Variants in SEMA4C observed in about 807,000 individuals in gnomAD.
The protein encoded by SEMA4C is semaphorin-4C.
In SEMA4C, 19 loss-of-function variants were observed where a neutral mutation model predicts 89.0. That is an observed-to-expected ratio of 0.21 (90% CI 0.15 to 0.31). The LOEUF (loss-of-function observed/expected upper bound fraction) is 0.31. SEMA4C is among the 10% of genes least tolerant of loss of function. The probability of loss-of-function intolerance (pLI) is 1.00; values close to 1 mark genes in which losing one functional copy is unlikely to be tolerated. For missense variants in SEMA4C, 811 were observed against 1,107.0 expected, an observed-to-expected ratio of 0.73 and a Z score of 3.79; for synonymous variants, 428 against 472.7, an observed-to-expected ratio of 0.91 and a Z score of 1.23.
Position 96,865,922 on chromosome 2 carries a change from CAGG to C in SEMA4C, c.263_265del (p.Ser88del). On this transcript the variant is annotated inframe_deletion, in exon 4 of 15. Coordinates refer to ENST00000305476, the MANE Select transcript of SEMA4C (RefSeq NM_017789.5). Reference sequence around the variant, plus strand: ...AGTCTTCTTCTCCACGGGGGCCTCCCAGGAGATCTGGGGAAAGGGAAGGGGATG... The same window carrying C: ...AGTCTTCTTCTCCACGGGGGCCTCCCAGATCTGGGGAAAGGGAAGGGGATG... 6.2e-7 allele frequency: 1 copy of C among 1,614,018 alleles called. No individual in the cohort carries two copies. The highest frequency in any genetic ancestry group is 8.5e-7 in the Non-Finnish European group (1 of 1,179,988).
chr2:96,864,742 G>A lies in SEMA4C; in HGVS notation c.925C>T (p.His309Tyr). Residue 309 changes from histidine (H) to tyrosine (Y), a missense_variant, in exon 9 of 15, where the codon CAC becomes TAC. Physicochemically the swap from His to Tyr is moderately conservative, Grantham distance 83. Transcript: ENST00000305476. This position sits in a 1 kb window ranked among gnomAD's most constrained non-coding sequence, Gnocchi z 6.3. ...AMHTLQDTSWHNTTFFGVFQA... is the reference protein window; with the variant it reads ...AMHTLQDTSWYNTTFFGVFQA... ...AAAACCCCAAAGAAGGTGGTGTTGT[G>A]CCAGGAGGTGTCCTGCAGGGTGTGC... 6.2e-7 allele frequency: 1 copy of A among 1,613,124 alleles called. No homozygotes were observed. The highest frequency in any genetic ancestry group is 8.5e-7 in the Non-Finnish European group (1 of 1,179,336).
upstream of SEMA4C, chr2:96,870,134 G>A: frequency 1.0e-6 from 1 of 974,872 alleles, no homozygotes. Context: ...TGGGGGGGTC[G>A]AGCGGAGGCC....
intron 1 of SEMA4C, chr2:96,869,577 A>T (rs1348003116): frequency 6.3e-5 from 62 of 985,122 alleles, no homozygotes; most frequent in Non-Finnish European, 7.5e-5. Context: ...AGGGCAGTCC[A>T]GGAGCCTGGC....
upstream of SEMA4C, chr2:96,870,636 A>T (rs1290982718): frequency 1.0e-6 from 1 of 985,328 alleles, no homozygotes. Flanking sequence ...ACCAGCCAGG[A>T]AGACCCTTCA....
At position 96,860,986 on chromosome 2, in the gene SEMA4C, C is replaced by G. The variant is rs767231360; in HGVS notation, c.2142G>C (p.Glu714Asp). The change falls in exon 15 of 15, where the codon GAG becomes GAC. Residue 714 changes from glutamate to aspartate, a missense_variant. Physicochemically the swap from Glu to Asp is conservative, Grantham distance 45. Around this residue, in one of 4 missense-constraint regions of SEMA4C, gnomAD observed 248 missense variants for 269.0 expected, o/e 0.92. Coordinates refer to ENST00000305476, the MANE Select transcript of SEMA4C (RefSeq NM_017789.5). ...TLVYPLELPKEPTSPPFRPCP... is the reference protein window; with the variant it reads ...TLVYPLELPKDPTSPPFRPCP... Reference sequence around the variant, plus strand: ...AGGGCCGGAAGGGGGGACTGGTGGGCTCCTTGGGCAGCTCCAGGGGGTACA... The same window carrying G: ...AGGGCCGGAAGGGGGGACTGGTGGGGTCCTTGGGCAGCTCCAGGGGGTACA... The G allele has an allele frequency of 6.2e-7, 1 of 1,612,968 alleles. No homozygotes were observed. The highest frequency in any genetic ancestry group is 1.1e-5 in the South Asian group (1 of 91,086).
At position 96,861,157 on chromosome 2, in the gene SEMA4C, G is replaced by C. The variant is rs763334767; in HGVS notation, c.1971C>G (p.Ala657=). 12 of 1,610,742 alleles carry C rather than the reference G, an allele frequency of 7.4e-6. No individual in the cohort carries two copies. In the African/African-American group the frequency reaches 1.2e-4, roughly 16 times the overall value. ...ACACCAGCCCCAGGTTTTCCAGGGG[G>C]GCCCGGGCCTCCAAGGTCACCGACG... ...AGPSVTLEAR[A]PLENLGLVWL... Residue 657 remains alanine, a synonymous_variant, in exon 15 of 15, where the codon GCC becomes GCG. Coordinates refer to ENST00000305476, the MANE Select transcript of SEMA4C (RefSeq NM_017789.5). The surrounding 1 kb of genome is among the most constrained non-coding windows in gnomAD (Gnocchi z 7.8).
In SEMA4C at chr2:96,862,131, G is replaced by A. The variant is rs777514890; in HGVS notation, c.1444-237C>T. 42 of 525,780 alleles carry A rather than the reference G, an allele frequency of 8.0e-5. 1 individual carries two copies. The highest frequency in any genetic ancestry group is 1.1e-4 in the Non-Finnish European group (33 of 295,162). The allele number at this position is 525,780 out of a possible 1,614,324, so 32.6% of individuals were successfully genotyped here. ...ATGCAATCCTAAGCCCCTTATCGAC[G>A]TGACGTTATTAGAAAGGGATGATGG... On this transcript the variant is annotated intron_variant, in intron 12 of 14. Transcript: ENST00000305476.
At position 96,866,414 on chromosome 2, in the gene SEMA4C, G is replaced by A. The variant is rs763130678; in HGVS notation, c.127C>T (p.Arg43Trp). The change falls in exon 3 of 15, where the codon CGG (arginine) becomes TGG (tryptophan). Residue 43 changes from arginine to tryptophan, a missense_variant. Physicochemically the swap from Arg to Trp is moderately radical, Grantham distance 101 (BLOSUM62 -3). Transcript: ENST00000305476. The part of the protein sequence containing the change: ...VSSGELATVV[R>W]RFSQTGIQDF... ...TGGATGCCGGTCTGGGAGAACCGCC[G>A]TACTACCGTGGCCAGCTCTGCAGGG... 6.1e-5 allele frequency: 99 copies of A among 1,613,850 alleles called. No homozygotes were observed. The highest frequency in any genetic ancestry group is 7.5e-5 in the Non-Finnish European group (89 of 1,180,044).
Position 96,866,400 on chromosome 2 carries a change from C to T in SEMA4C, c.141G>A (p.Gln47=), listed in dbSNP as rs747434651. The T allele has an allele frequency of 2.5e-6, 4 of 1,613,944 alleles. No individual in the cohort carries two copies. In the South Asian group the frequency reaches 4.4e-5, roughly 18 times the overall value. Reference sequence around the variant, plus strand: ...GTGTCAGGAAGTCCTGGATGCCGGTCTGGGAGAACCGCCGTACTACCGTGG... The same window carrying T: ...GTGTCAGGAAGTCCTGGATGCCGGTTTGGGAGAACCGCCGTACTACCGTGG... ...ELATVVRRFS[Q]TGIQDFLTLT... Residue 47 remains glutamine, a synonymous_variant, in exon 3 of 15, where the codon CAG becomes CAA. Coordinates refer to ENST00000305476, the MANE Select transcript of SEMA4C (RefSeq NM_017789.5).
upstream of SEMA4C, chr2:96,870,627 C>T (rs2080179648): frequency 2.0e-6 from 2 of 985,378 alleles, no homozygotes; most frequent in Non-Finnish European, 2.4e-6. Context: ...AAGGGCTTCA[C>T]CAGCCAGGAA....
rs2080016253 is a variant in SEMA4C, at chr2:96,864,190, A to G, written c.1108-42T>C. ...GGGGGCAGGCCATCAGCAGGGTGGGATGGCACCGCAGCTGGGTGGGGAGAT... is the reference window on the plus strand; with the variant it reads ...GGGGGCAGGCCATCAGCAGGGTGGGGTGGCACCGCAGCTGGGTGGGGAGAT... On this transcript the variant is annotated intron_variant, in intron 10 of 14. Transcript: ENST00000305476. The surrounding 1 kb of genome is among the most constrained non-coding windows in gnomAD (Gnocchi z 6.3). 6.2e-7 allele frequency: 1 copy of G among 1,612,878 alleles called. No homozygotes were observed.
At position 96,861,337 on chromosome 2, in the gene SEMA4C, C is replaced by G; in HGVS notation, c.1791G>C (p.Ala597=). The change falls in exon 15 of 15, where the codon GCG becomes GCC. Residue 597 remains alanine, a synonymous_variant. Transcript: ENST00000305476. The surrounding 1 kb of genome is among the most constrained non-coding windows in gnomAD (Gnocchi z 7.8). ...CGTAGAGGAAGGACCCGGGCTGTTC[C>G]GCAGGCAGGTCCCGGCCCCCAAAGG... ...RWTFGGRDLP[A]EQPGSFLYDA... 6.2e-7 allele frequency: 1 copy of G among 1,607,186 alleles called. No individual in the cohort carries two copies. Among genetic ancestry groups the G allele is most frequent in the South Asian group, 1.1e-5 (1 of 91,076 alleles).
intron 2 of SEMA4C, among the ~76,000 whole-genome samples, chr2:96,867,256 G>A (rs1033887019): frequency 6.6e-6 from 1 of 152,168 alleles, no homozygotes; most frequent in Non-Finnish European, 1.5e-5. Context: ...CTCATCCCAG[G>A]TCCCCAGAGC....
At chr2:96,863,470 T>C (rs2079998622) in intron 12 of SEMA4C, 2 of 1,326,260 alleles carry the variant, frequency 1.5e-6, no homozygotes, top group Admixed American at 3.1e-5. Context: ...CCTGGCTATA[T>C]ATAATGGCCC....
At position 96,864,804 on chromosome 2, in the gene SEMA4C, G is replaced by A. The variant is rs567359236; in HGVS notation, c.863C>T (p.Pro288Leu). Residue 288 changes from proline to leucine, a missense_variant, in exon 9 of 15, where the codon CCG becomes CTG. By Grantham distance (98) the Pro-to-Leu change is moderately conservative (BLOSUM62 -3). Around this residue, in one of 4 missense-constraint regions of SEMA4C, gnomAD observed 441 missense variants for 664.9 expected, o/e 0.66. Transcript: ENST00000305476. This position sits in a 1 kb window ranked among gnomAD's most constrained non-coding sequence, Gnocchi z 6.3. ...CTGGTTGAAGTAGAGCTGCCAGTTC[G>A]GGGCAGAGCATGCCAGCCGCGCCTT... ...FLKARLACSAPNWQLYFNQLQ... is the reference protein window; with the variant it reads ...FLKARLACSALNWQLYFNQLQ... 84 of 1,613,928 alleles carry A rather than the reference G, an allele frequency of 5.2e-5. No individual in the cohort carries two copies. The highest frequency in any genetic ancestry group is 6.7e-5 in the East Asian group (3 of 44,884).
chr2:96,861,148 T>A lies in SEMA4C; in HGVS notation c.1980A>T (p.Glu660Asp). The A allele has an allele frequency of 6.2e-7, 1 of 1,611,070 alleles. No homozygotes were observed. Among genetic ancestry groups the A allele is most frequent in the Non-Finnish European group, 8.5e-7 (1 of 1,179,586 alleles). ...CCGCCAGCCACACCAGCCCCAGGTT[T>A]TCCAGGGGGGCCCGGGCCTCCAAGG... Reference protein sequence around the residue: ...SVTLEARAPLENLGLVWLAVV... With the variant: ...SVTLEARAPLDNLGLVWLAVV... The change falls in exon 15 of 15, where the codon GAA becomes GAT. Residue 660 changes from glutamate to aspartate, a missense_variant. Physicochemically the swap from Glu to Asp is conservative, Grantham distance 45. This residue lies in a region of SEMA4C where 248 missense variants were observed against 269.0 expected (regional missense o/e 0.92). Coordinates refer to ENST00000305476, the MANE Select transcript of SEMA4C (RefSeq NM_017789.5). This position sits in a 1 kb window ranked among gnomAD's most constrained non-coding sequence, Gnocchi z 7.8.
At chr2:96,870,206 G>A (rs1299985746), upstream of SEMA4C, 73 of 985,010 alleles carry the variant, frequency 7.4e-5, no homozygotes, top group Non-Finnish European at 8.8e-5. Flanking sequence ...CTGTGGACCC[G>A]CCCGCTCTCC....
At position 96,861,032 on chromosome 2, in the gene SEMA4C, T is replaced by G. The variant is rs1358785859; in HGVS notation, c.2096A>C (p.Lys699Thr). The G allele has an allele frequency of 1.9e-6, 3 of 1,612,812 alleles. No individual in the cohort carries two copies. Among genetic ancestry groups the G allele is most frequent in the Non-Finnish European group, 2.5e-6 (3 of 1,180,012 alleles). ...GTACACCAAGGTCCTCTCAGTAGCC[T>G]TGGCCCCTTTCTCCAGCTCTTCCCG... ...RLREELEKGA[K>T]ATERTLVYPL... Residue 699 changes from lysine (K) to threonine (T), a missense_variant, in exon 15 of 15, where the codon AAG becomes ACG. Physicochemically the swap from Lys to Thr is moderately conservative, Grantham distance 78. This residue lies in a region of SEMA4C where 248 missense variants were observed against 269.0 expected (regional missense o/e 0.92). Coordinates refer to ENST00000305476, the MANE Select transcript of SEMA4C (RefSeq NM_017789.5). This position sits in a 1 kb window ranked among gnomAD's most constrained non-coding sequence, Gnocchi z 7.8.
chr2:96,864,329 C>T lies in SEMA4C; in HGVS notation c.1016G>A (p.Arg339Gln), dbSNP rs377346652. Residue 339 changes from arginine (R) to glutamine (Q), a missense_variant, in exon 10 of 15, where the codon CGG (arginine) becomes CAG (glutamine). Arg to Gln is a conservative substitution (Grantham distance 43). Around this residue, in one of 4 missense-constraint regions of SEMA4C, gnomAD observed 441 missense variants for 664.9 expected, o/e 0.66. Coordinates refer to ENST00000305476, the MANE Select transcript of SEMA4C (RefSeq NM_017789.5). This position sits in a 1 kb window ranked among gnomAD's most constrained non-coding sequence, Gnocchi z 6.3. ...CTCCTTATAGGGGCCCTCAAACACC[C>T]GCTGGATCTCTTCCAACTGGTACTC... ...ICEYQLEEIQ[R>Q]VFEGPYKEYH... is the part of the protein sequence containing the mutation. 114 of 1,613,992 alleles carry T rather than the reference C, an allele frequency of 7.1e-5. No individual in the cohort carries two copies. The highest frequency in any genetic ancestry group is 6.7e-4 in the South Asian group (61 of 91,084).
Sources: gnomAD v4.1 joint callset for allele counts (sites outside exome capture counted in the v4.1 genomes callset) on GRCh38, gnomAD v4.1.1 for gene constraint, gnomAD v4.1.1 regional missense constraint, Gnocchi (gnomAD v3.1) non-coding constraint, MANE v1.5 for transcripts, NCBI Gene and HGNC (gene_info 2026-07-23, HGNC 2026-07-21) for gene names.